DCTN6: variants seen among roughly 807,000 people sequenced by gnomAD.
DCTN6 encodes dynactin subunit 6.
Under a neutral mutation model 25.8 loss-of-function variants are expected in DCTN6, and 15 were observed. That is an observed-to-expected ratio of 0.58 (90% CI 0.39 to 0.89). DCTN6 has a LOEUF of 0.89. DCTN6 is among the 40% of genes least tolerant of loss of function. The pLI, the probability that DCTN6 is intolerant of heterozygous loss-of-function variation, is 0.00. For synonymous variants in DCTN6, 64 were observed against 78.3 expected (o/e 0.82, Z 0.96); for missense variants, 198 against 237.6 (o/e 0.83, Z 1.09).
chr8:30,175,225 A>G, intron 3 of DCTN6, 35 bp downstream of exon 3: 1 of 1,568,976 alleles, frequency 6.4e-7, no homozygotes, highest in Non-Finnish European at 8.7e-7. Flanking sequence ...ACCAAGTACC[A>G]TGGGTAACGG....
intron 1 of DCTN6, among the ~76,000 whole-genome samples, chr8:30,161,120 G>T (rs890327691): frequency 6.6e-6 from 1 of 152,138 alleles, no homozygotes; most frequent in Non-Finnish European, 1.5e-5. Context: ...CCCCCATGCT[G>T]TTCTTGTGAA....
chr8:30,181,390 CTG>C (rs2117601878), intron 6 of DCTN6, among the ~76,000 whole-genome samples: 1 of 152,210 alleles, frequency 6.6e-6, no homozygotes, highest in East Asian at 1.9e-4. Context: ...GAATAAGAAA[CTG>C]TGTTTGGATA....
chr8:30,169,849 A>G (rs946978264), intron 2 of DCTN6, among the ~76,000 whole-genome samples: 1 of 152,184 alleles, frequency 6.6e-6, no homozygotes, highest in Admixed American at 6.5e-5. Flanking sequence ...AATTATCCGC[A>G]TCATTCACGG....
At chr8:30,167,998 C>T (rs1297144822) in intron 2 of DCTN6, among the ~76,000 whole-genome samples, 4 of 152,188 alleles carry the variant, frequency 2.6e-5, no homozygotes, top group African/African-American at 9.7e-5. Context: ...AGTGGTAATA[C>T]ATTTTTAAGG....
chr8:30,160,592 C>T (rs959269775), intron 1 of DCTN6, among the ~76,000 whole-genome samples: 5 of 152,162 alleles, frequency 3.3e-5, no homozygotes, highest in Admixed American at 3.3e-4. Flanking sequence ...ATGGGTTCCA[C>T]ATCCATGGAT....
At chr8:30,163,859 C>A (rs367567585) in intron 1 of DCTN6, among the ~76,000 whole-genome samples, 1 of 152,028 alleles carries the variant, frequency 6.6e-6, no homozygotes, top group African/African-American at 2.4e-5. Context: ...CTCGCCACCA[C>A]GCCTGGCTAG....
At chr8:30,157,379 A>G (rs1383404902) in intron 1 of DCTN6, among the ~76,000 whole-genome samples, 1 of 152,208 alleles carries the variant, frequency 6.6e-6, no homozygotes, top group Non-Finnish European at 1.5e-5. Flanking sequence ...GCTATTGTGA[A>G]TAGTACAGTG....
chr8:30,177,227 A>G lies in DCTN6; in HGVS notation c.283+13A>G, dbSNP rs375945644. 1.1e-5 allele frequency: 18 copies of G among 1,595,656 alleles called. No homozygotes were observed. The highest frequency in any genetic ancestry group is 6.7e-5 in the African/African-American group (5 of 74,552). ...GAAGTTGGCTGTTGTATCCTTTACA[A>G]TAATCTACCATAAATAATTCCTGGC... On this transcript the variant is annotated intron_variant, in intron 4 of 6. Coordinates refer to ENST00000221114, the MANE Select transcript of DCTN6 (RefSeq NM_006571.4).
chr8:30,161,702 G>C (rs1333569346), intron 1 of DCTN6, among the ~76,000 whole-genome samples: 2 of 151,764 alleles, frequency 1.3e-5, no homozygotes, highest in African/African-American at 4.8e-5. Context: ...TTAGATGTAT[G>C]CATATGGTAT....
In DCTN6 at chr8:30,180,390, G is replaced by A. The variant is rs191274774; in HGVS notation, c.332-98G>A. Reference sequence around the variant, plus strand: ...GTATTTTCTTTAACTTTTTTCTTGAGGCCAGTTTACATTTTTATACCTAAA... The same window carrying A: ...GTATTTTCTTTAACTTTTTTCTTGAAGCCAGTTTACATTTTTATACCTAAA... On this transcript the variant is annotated intron_variant, in intron 5 of 6. Coordinates refer to ENST00000221114, the MANE Select transcript of DCTN6 (RefSeq NM_006571.4). 9,085 of 1,467,642 alleles carry A rather than the reference G, an allele frequency of 6.2e-3. 38 individuals carry two copies. Among genetic ancestry groups the A allele is most frequent in the Non-Finnish European group, 7.3e-3 (7,980 of 1,092,746 alleles). 90.9% of individuals were successfully genotyped at this position (1,467,642 alleles called of 1,614,324 possible).
chr8:30,172,007 A>C (rs374035079), intron 2 of DCTN6, among the ~76,000 whole-genome samples: 9 of 152,200 alleles, frequency 5.9e-5, no homozygotes, highest in African/African-American at 1.9e-4. Context: ...TTGATTACAA[A>C]GAACCTAAAA....
intron 1 of DCTN6, 45 bp from the exon 2 acceptor site, chr8:30,164,066 T>G: frequency 1.3e-6 from 2 of 1,492,960 alleles, no homozygotes; most frequent in Non-Finnish European, 1.9e-6. Context: ...TCCAACAGTA[T>G]GTTTAATCTT....
intron 1 of DCTN6, among the ~76,000 whole-genome samples, chr8:30,159,786 G>T (rs1803574713): frequency 6.7e-6 from 1 of 149,896 alleles, no homozygotes. Context: ...TTTTGAGACA[G>T]GGTTTCACTC....
In DCTN6 at chr8:30,180,626, C is replaced by T. The variant is rs1162015881; in HGVS notation, c.470C>T (p.Pro157Leu). ...CTTCGTCGGGTGCAGACTGAGCGAC[C>T]GCAGGTACTAGAACCTCTCTTTAAA... ...DCLRRVQTERPQPQTLQLDFL... is the reference protein window; with the variant it reads ...DCLRRVQTERLQPQTLQLDFL... Residue 157 changes from proline (P) to leucine (L), a missense_variant, in exon 6 of 7, where the codon CCG becomes CTG. Pro to Leu is a moderately conservative substitution (Grantham distance 98). Transcript: ENST00000221114. 4.3e-6 allele frequency: 7 copies of T among 1,613,772 alleles called. No homozygotes were observed. The highest frequency in any genetic ancestry group is 1.7e-5 in the Admixed American group (1 of 59,950).
intron 1 of DCTN6, among the ~76,000 whole-genome samples, chr8:30,161,570 G>C (rs1457959747): frequency 6.6e-6 from 1 of 152,006 alleles, no homozygotes; most frequent in Non-Finnish European, 1.5e-5. Context: ...GGCTGATCCT[G>C]CTTTTCCTCC....
chr8:30,179,672 G>C (rs756444797), intron 5 of DCTN6, among the ~76,000 whole-genome samples: 7 of 152,128 alleles, frequency 4.6e-5, no homozygotes, highest in Non-Finnish European at 8.8e-5. Context: ...CTATGTACAG[G>C]ATTGAATTAA....
rs1163406080 is a variant in DCTN6 at position 30,175,167 on chromosome 8, A to G, written c.171A>G (p.Glu57=). ...PIVIGEGNLI[E]EQALIINAYP... Reference sequence around the variant, plus strand: ...TGATTGGCGAAGGGAACCTAATAGAAGAACAGGCCCTTATCATAAATGCGT... The same window carrying G: ...TGATTGGCGAAGGGAACCTAATAGAGGAACAGGCCCTTATCATAAATGCGT... Residue 57 remains glutamate (E), a synonymous_variant, in exon 3 of 7, where the codon GAA becomes GAG. Coordinates refer to ENST00000221114, the MANE Select transcript of DCTN6 (RefSeq NM_006571.4). The G allele has an allele frequency of 6.2e-7, 1 of 1,614,108 alleles. No homozygotes were observed. The highest frequency in any genetic ancestry group is 2.2e-5 in the East Asian group (1 of 44,874).
At position 30,180,597 on chromosome 8, in the gene DCTN6, C is replaced by G; in HGVS notation, c.441C>G (p.Asp147Glu). Residue 147 changes from aspartate to glutamate, a missense_variant, in exon 6 of 7, where the codon GAC becomes GAG. Asp to Glu is a conservative substitution (Grantham distance 45). Transcript: ENST00000221114. ...AGAATACGGTGATCTATGGTGCAGA[C>G]TGCCTTCGTCGGGTGCAGACTGAGC... ...IPENTVIYGA[D>E]CLRRVQTERP... 1 of 1,614,130 alleles carries G rather than the reference C, an allele frequency of 6.2e-7. No homozygotes were observed. Among genetic ancestry groups the G allele is most frequent in the East Asian group, 2.2e-5 (1 of 44,878 alleles).
intron 2 of DCTN6, among the ~76,000 whole-genome samples, chr8:30,170,451 G>A (rs16876607): frequency 0.01 from 1,538 of 152,130 alleles, 36 homozygotes; most frequent in East Asian, 0.057. Flanking sequence ...ACCTAAATGC[G>A]GCGGTGCTTT....
Sources: gnomAD v4.1 joint callset for allele counts (sites outside exome capture counted in the v4.1 genomes callset) on GRCh38, gnomAD v4.1.1 for gene constraint, MANE v1.5 for transcripts, NCBI Gene and HGNC (gene_info 2026-07-23, HGNC 2026-07-21) for gene names.